TTC39A: variants seen among roughly 807,000 people sequenced by gnomAD.
TTC39A encodes the protein tetratricopeptide repeat domain 39A.
A neutral mutation model predicts 82.3 loss-of-function variants in TTC39A; 46 were observed. The observed-to-expected ratio is 0.56, with a 90% CI of 0.44 to 0.71. The LOEUF is 0.71. Ranked by LOEUF, TTC39A falls within the 30% of genes least tolerant of loss-of-function variation. TTC39A has a pLI of 0.00. For synonymous variants in TTC39A, 254 were observed against 275.2 expected (o/e 0.92, Z 0.76); for missense variants, 543 against 712.9 (o/e 0.76, Z 2.71).
chr1:51,298,132 C>G (rs1373038624), intron 12 of TTC39A: 1 of 152,374 alleles, frequency 6.6e-6, no homozygotes, highest in African/African-American at 2.4e-5. Context: ...AACCAGACAT[C>G]GTGTTATATT....
At chr1:51,328,723 T>C (rs1194698233) in intron 1 of TTC39A, among the ~76,000 whole-genome samples, 1 of 152,062 alleles carries the variant, frequency 6.6e-6, no homozygotes, top group Non-Finnish European at 1.5e-5. Flanking sequence ...TCTGACAAAG[T>C]TGGGTGGCAA....
intron 2 of TTC39A, among the ~76,000 whole-genome samples, chr1:51,318,364 C>T (rs1030919804): frequency 3.3e-5 from 5 of 152,134 alleles, no homozygotes; most frequent in Admixed American, 6.5e-5. Flanking sequence ...GAGCAGGCTG[C>T]GGCTGGGCCT....
At chr1:51,301,140 A>G (rs1434080362) in intron 12 of TTC39A, 2 of 161,744 alleles carry the variant, frequency 1.2e-5, no homozygotes, top group East Asian at 1.7e-4. Context: ...GCATAGTCCA[A>G]TATAGTGGCC....
intron 6 of TTC39A, among the ~76,000 whole-genome samples, chr1:51,308,343 G>A (rs558534092): frequency 2.0e-5 from 3 of 151,648 alleles, no homozygotes; most frequent in South Asian, 2.1e-4. Flanking sequence ...TGGTTCAAGC[G>A]ATTCTCCTGC....
upstream of TTC39A, chr1:51,331,062 A>G (rs1645899548): frequency 2.1e-6 from 2 of 949,630 alleles, no homozygotes; most frequent in African/African-American, 3.2e-5. Context: ...CTGGCAGTTC[A>G]CACTGCCTTC....
chr1:51,312,055 T>C (rs1223426019), intron 4 of TTC39A, 64 bp downstream of exon 4: 1 of 1,533,514 alleles, frequency 6.5e-7, no homozygotes, highest in African/African-American at 1.4e-5. Flanking sequence ...AAACTGCCCC[T>C]TCCTGGGCCT....
rs1644044966 is a variant in TTC39A, at chr1:51,287,780, T to C, written c.*377A>G. 2 of 180,318 alleles carry C rather than the reference T, an allele frequency of 1.1e-5. No individual in the cohort carries two copies. Among genetic ancestry groups the C allele is most frequent in the South Asian group, 3.1e-4 (2 of 6,404 alleles). 11.2% of individuals were successfully genotyped at this position (180,318 alleles called of 1,614,324 possible). A position where few individuals can be genotyped will look rare whatever the true frequency, so the allele number is the denominator to read the frequency against. ...TATAAAGAGATTTACCTCCAGATGA[T>C]AATAGGTGAAGACAAAGACTTACAG... On this transcript the variant is annotated 3_prime_UTR_variant, in exon 18 of 18. Transcript: ENST00000680483.
At chr1:51,322,085 G>A in intron 1 of TTC39A, 2 of 1,550,276 alleles carry the variant, frequency 1.3e-6, no homozygotes, top group Non-Finnish European at 1.7e-6. Flanking sequence ...CAAGGGCAAG[G>A]TGCAAAGAGG....
At chr1:51,307,142 G>A (rs1163805537) in intron 6 of TTC39A, among the ~76,000 whole-genome samples, 2 of 152,172 alleles carry the variant, frequency 1.3e-5, no homozygotes, top group Non-Finnish European at 2.9e-5. Context: ...AAGGGCCAGG[G>A]TGACCTCCCA....
At chr1:51,334,467 C>T (rs989003412), upstream of TTC39A, among the ~76,000 whole-genome samples, 5 of 151,946 alleles carry the variant, frequency 3.3e-5, no homozygotes, top group African/African-American at 1.2e-4. Context: ...CGCACTATTG[C>T]ACGCCAGCCT....
rs367951964 is a variant in TTC39A, at chr1:51,312,808, C to T, written c.278+4G>A. On this transcript the variant is annotated splice_donor_region_variant and intron_variant, in intron 3 of 17. Coordinates refer to ENST00000680483, the MANE Select transcript of TTC39A (RefSeq NM_001297663.2). ...CTCTGATCCCTGCCCCCAATGCCCC[C>T]AACCTCTGACACAGCATCTGTGCCT... The T allele has an allele frequency of 3.7e-5, 60 of 1,612,890 alleles. No homozygotes were observed. The African/African-American group carries it at 6.1e-4, about 17-fold the overall frequency.
At chr1:51,322,133 AG>A in intron 1 of TTC39A, 1 of 1,551,646 alleles carries the variant, frequency 6.4e-7, no homozygotes, top group Non-Finnish European at 8.7e-7. Context: ...ACAAGGGTAA[AG>A]GGAGTCTTTG....
upstream of TTC39A, among the ~76,000 whole-genome samples, chr1:51,332,092 C>T (rs982846300): frequency 6.6e-6 from 1 of 152,332 alleles, no homozygotes; most frequent in Non-Finnish European, 1.5e-5. Context: ...ACACCTTCCT[C>T]CCTTGTCACT....
intron 6 of TTC39A, among the ~76,000 whole-genome samples, chr1:51,307,364 A>C (rs969961323): frequency 9.9e-5 from 15 of 152,194 alleles, no homozygotes; most frequent in African/African-American, 3.6e-4. Flanking sequence ...TATATGGTAC[A>C]TTATACCCTA....
intron 2 of TTC39A, among the ~76,000 whole-genome samples, chr1:51,316,724 G>C (rs1356054034): frequency 6.6e-6 from 1 of 152,154 alleles, no homozygotes; most frequent in African/African-American, 2.4e-5. Context: ...TCTTCCCTCA[G>C]AAAACTACAG....
intron 12 of TTC39A, chr1:51,297,280 GATCTCGGCTCACTGCA>G (rs1478713907): frequency 6.5e-6 from 1 of 152,798 alleles, no homozygotes; most frequent in African/African-American, 2.4e-5. Context: ...GCTATGGCGC[GATCTCGGCTCACTGCA>G]ACCTCCGCCT....
upstream of TTC39A, among the ~76,000 whole-genome samples, chr1:51,332,399 T>C (rs183720045): frequency 6.6e-6 from 1 of 152,346 alleles, no homozygotes; most frequent in Non-Finnish European, 1.5e-5. Context: ...TAGCTGAGAT[T>C]ACAGGCATGT....
At chr1:51,311,196 G>A in intron 5 of TTC39A, 58 bp downstream of exon 5, 2 of 1,501,010 alleles carry the variant, frequency 1.3e-6, no homozygotes, top group South Asian at 2.4e-5. Flanking sequence ...GGTCATGGTT[G>A]GACGTGGAAA....
At chr1:51,332,322 G>A (rs1035620787), upstream of TTC39A, among the ~76,000 whole-genome samples, 2 of 152,266 alleles carry the variant, frequency 1.3e-5, no homozygotes, top group Non-Finnish European at 2.9e-5. Context: ...GCACAATCTC[G>A]TGATCTTGGC....
Sources: allele counts gnomAD v4.1 joint callset (sites outside exome capture counted in the v4.1 genomes callset), GRCh38; gene constraint gnomAD v4.1.1; transcripts MANE v1.5; gene names NCBI Gene and HGNC (gene_info 2026-07-23, HGNC 2026-07-21).